ENTHD1: variants seen among roughly 807,000 people sequenced by gnomAD.
ENTHD1 encodes ENTH domain-containing protein 1.
ENTHD1 carries 23 observed loss-of-function variants against 39.1 expected under a neutral mutation model. The observed-to-expected ratio is 0.59, with a 90% CI of 0.42 to 0.83. The LOEUF (loss-of-function observed/expected upper bound fraction) is 0.83. Among genes scored for constraint, ENTHD1 ranks in the 40% least tolerant of loss-of-function variants. ENTHD1 has a pLI of 0.00. For synonymous variants in ENTHD1, 230 were observed against 258.2 expected, an observed-to-expected ratio of 0.89 and a Z score of 1.05; for missense variants, 624 against 705.4, an observed-to-expected ratio of 0.88 and a Z score of 1.31.
At chr22:39,798,242 A>G (rs2065566868) in intron 5 of ENTHD1, among the ~76,000 whole-genome samples, 1 of 151,806 alleles carries the variant, frequency 6.6e-6, no homozygotes, top group Non-Finnish European at 1.5e-5. Context: ...AAGCTCTTTA[A>G]TAACTTTTTT....
chr22:39,773,597 A>G lies in ENTHD1; in HGVS notation c.833-7988T>C, dbSNP rs117092751. 2.0e-4 allele frequency among the ~76,000 whole-genome samples: 30 copies of G among 152,334 alleles called. No individual in the cohort carries two copies. The East Asian group carries it at 5.2e-3, about 26-fold the overall frequency. On this transcript the variant is annotated intron_variant, in intron 5 of 6. Coordinates refer to ENST00000325157, the MANE Select transcript of ENTHD1 (RefSeq NM_152512.4). ...TTTATTGAATGGTAATTATACCTCA[A>G]TAAAGCTGCTAACCTCATAGCTGGT...
intron 2 of ENTHD1, among the ~76,000 whole-genome samples, chr22:39,871,379 T>C (rs2066243138): frequency 6.6e-6 from 1 of 152,188 alleles, no homozygotes; most frequent in African/African-American, 2.4e-5. Flanking sequence ...GACATATCTC[T>C]AATCCTCACA....
At chr22:39,855,124 A>G (rs1255969108) in intron 3 of ENTHD1, among the ~76,000 whole-genome samples, 22 of 152,188 alleles carry the variant, frequency 1.4e-4, no homozygotes. Flanking sequence ...GCTTCGTTCA[A>G]TTTGTATCTC....
chr22:39,811,743 G>A (rs1462317068), intron 5 of ENTHD1, among the ~76,000 whole-genome samples: 1 of 152,128 alleles, frequency 6.6e-6, no homozygotes, highest in Non-Finnish European at 1.5e-5. Context: ...ACTTTGGGAG[G>A]CTGAGGCAGG....
chr22:39,851,691 A>G (rs534499425), intron 3 of ENTHD1, among the ~76,000 whole-genome samples: 1 of 152,322 alleles, frequency 6.6e-6, no homozygotes, highest in Non-Finnish European at 1.5e-5. Flanking sequence ...TCATTCTCTG[A>G]TCTACTAACA....
At chr22:39,887,952 A>G (rs1186579844) in intron 1 of ENTHD1, 49 bp from the exon 2 acceptor site, 2 of 476,988 alleles carry the variant, frequency 4.2e-6, no homozygotes, top group South Asian at 4.6e-5. Context: ...TTTTAAGTCT[A>G]TAGAAGACCA....
At chr22:39,829,790 C>CAATAAATAAATAAATA (rs10657076) in intron 4 of ENTHD1, among the ~76,000 whole-genome samples, 7,339 of 143,294 alleles carry the variant, frequency 0.051, 236 homozygotes, top group Middle Eastern at 0.08. Context: ...GACTCTGTCT[C>CAATAAATAAATAAATA]AATAAATAAA....
intron 5 of ENTHD1, among the ~76,000 whole-genome samples, chr22:39,784,609 T>C (rs962403674): frequency 6.9e-6 from 1 of 145,950 alleles, no homozygotes; most frequent in African/African-American, 2.6e-5. Context: ...TAAAAGAGAA[T>C]GAAATCTTGT....
intron 6 of ENTHD1, 46 bp downstream of exon 6, chr22:39,765,177 T>G (rs1487670218): frequency 3.9e-5 from 7 of 181,624 alleles, no homozygotes; most frequent in Non-Finnish European, 5.8e-5. Flanking sequence ...GGTTTTTTGT[T>G]GTGTGTGTGT....
At chr22:39,778,255 T>A (rs2065380652) in intron 5 of ENTHD1, among the ~76,000 whole-genome samples, 1 of 152,134 alleles carries the variant, frequency 6.6e-6, no homozygotes, top group Non-Finnish European at 1.5e-5. Flanking sequence ...ACAAACCAGG[T>A]GCTCTCCCTT....
intron 2 of ENTHD1, among the ~76,000 whole-genome samples, chr22:39,884,472 G>A (rs928071444): frequency 1.6e-4 from 24 of 151,892 alleles, no homozygotes; most frequent in Non-Finnish European, 2.8e-4. Flanking sequence ...GAGTCACCGC[G>A]CCTGGCCCTA....
chr22:39,850,431 T>G (rs185380261), intron 3 of ENTHD1, among the ~76,000 whole-genome samples: 19 of 152,352 alleles, frequency 1.2e-4, no homozygotes, highest in Non-Finnish European at 5.9e-5. Flanking sequence ...CTTTCAATCT[T>G]TATGTGAATT....
chr22:39,768,819 G>T (rs1601581711), intron 5 of ENTHD1, among the ~76,000 whole-genome samples: 1 of 152,104 alleles, frequency 6.6e-6, no homozygotes, highest in South Asian at 2.1e-4. Flanking sequence ...GGTCCATCAA[G>T]AAATCATTGT....
chr22:39,875,615 G>T lies in ENTHD1; in HGVS notation c.349+11785C>A, dbSNP rs2066282664. On this transcript the variant is annotated intron_variant, in intron 2 of 6. Transcript: ENST00000325157. ...GAAGTCTTCAAGAGAAAGCACCGAG[G>T]CTAGGAAAGGTTTCTCCTATTTGGT... is the stretch of plus-strand genomic sequence containing the variant. 43 of 1,611,302 alleles carry T rather than the reference G, an allele frequency of 2.7e-5. 1 individual carries two copies. The South Asian group carries it at 4.6e-4, about 17-fold the overall frequency.
At chr22:39,877,131 G>A (rs2066297607) in intron 2 of ENTHD1, among the ~76,000 whole-genome samples, 1 of 152,184 alleles carries the variant, frequency 6.6e-6, no homozygotes, top group Non-Finnish European at 1.5e-5. Context: ...CTGTGAGGTT[G>A]AGCCTAAATT....
At chr22:39,754,466 C>T (rs933686558) in intron 6 of ENTHD1, among the ~76,000 whole-genome samples, 2 of 152,196 alleles carry the variant, frequency 1.3e-5, no homozygotes, top group African/African-American at 4.8e-5. Flanking sequence ...GGTCCCTATA[C>T]CACTCCACAT....
At chr22:39,838,118 A>C (rs893307628) in intron 3 of ENTHD1, among the ~76,000 whole-genome samples, 1 of 152,208 alleles carries the variant, frequency 6.6e-6, no homozygotes, top group African/African-American at 2.4e-5. Context: ...GTATTGACAG[A>C]TATACTGCAA....
intron 3 of ENTHD1, among the ~76,000 whole-genome samples, chr22:39,859,643 C>T (rs1360390921): frequency 6.6e-6 from 1 of 152,132 alleles, no homozygotes; most frequent in Non-Finnish European, 1.5e-5. Flanking sequence ...AGTAAGTTCA[C>T]TGGTCTTCTA....
rs1299630093 is a variant in ENTHD1, at chr22:39,812,187, A to G, written c.832+8806T>C. Among the ~76,000 whole-genome samples, 4 of 152,116 alleles carry G rather than the reference A, an allele frequency of 2.6e-5. No individual in the cohort carries two copies. In the East Asian group the frequency reaches 7.7e-4, roughly 29 times the overall value. On this transcript the variant is annotated intron_variant, in intron 5 of 6. Transcript: ENST00000325157. ...CTATTGTCAATCAAAAGGAGTATGT[A>G]TAGGATTGGTTTAAACATGAAATTA...
Sources: allele counts gnomAD v4.1 joint callset (sites outside exome capture counted in the v4.1 genomes callset), GRCh38; gene constraint gnomAD v4.1.1; transcripts MANE v1.5; gene names NCBI Gene and HGNC (gene_info 2026-07-23, HGNC 2026-07-21).